The following FBRSL1 variants were observed in gnomAD, a reference collection of about 807,000 sequenced individuals.
FBRSL1 encodes the protein fibrosin like 1.
In FBRSL1, 51 loss-of-function variants were observed where a neutral mutation model predicts 89.6. That is an observed-to-expected ratio of 0.57 (90% CI 0.45 to 0.72). The LOEUF (loss-of-function observed/expected upper bound fraction) is 0.72. Among genes scored for constraint, FBRSL1 ranks in the 30% least tolerant of loss-of-function variants. The pLI, the probability that FBRSL1 is intolerant of heterozygous loss-of-function variation, is 0.00. For synonymous variants in FBRSL1, 779 were observed against 681.1 expected (o/e 1.14, Z -2.24); for missense variants, 1,618 against 1,451.8 (o/e 1.11, Z -1.86).
Position 132,583,395 on chromosome 12 carries a change from G to A in FBRSL1, c.2626G>A (p.Ala876Thr). ...TGCCGCCCCCGCCCCGGGCTCCGCC[G>A]CCCTCTTGGAGCCCCCGGAGCGCCC... ...PAAAPAPGSA[A>T]LLEPPERPYR... Residue 876 changes from alanine (A) to threonine (T), a missense_variant, in exon 19 of 19, where the codon GCC becomes ACC. Physicochemically the swap from Ala to Thr is moderately conservative, Grantham distance 58 (BLOSUM62 0). Transcript: ENST00000680143. 2.8e-6 allele frequency: 3 copies of A among 1,080,676 alleles called. No individual in the cohort carries two copies. Among genetic ancestry groups the A allele is most frequent in the Non-Finnish European group, 2.2e-6 (2 of 891,472 alleles). 66.9% of individuals were successfully genotyped at this position (1,080,676 alleles called of 1,614,324 possible).
chr12:132,501,612 C>T (rs1040904138), intron 1 of FBRSL1, among the ~76,000 whole-genome samples: 2 of 152,090 alleles, frequency 1.3e-5, no homozygotes, highest in African/African-American at 2.4e-5. Flanking sequence ...GCCTTCCGCT[C>T]GGGGCCCAAG....
intron 3 of FBRSL1, among the ~76,000 whole-genome samples, chr12:132,527,447 CT>C (rs1308362885): frequency 6.6e-6 from 1 of 152,218 alleles, no homozygotes; most frequent in African/African-American, 2.4e-5. Flanking sequence ...ACGACAGCCC[CT>C]GGGGAGGACC....
At chr12:132,512,072 C>G (rs1482355599) in intron 2 of FBRSL1, 4 of 922,160 alleles carry the variant, frequency 4.3e-6, no homozygotes, top group Middle Eastern at 5.5e-4. Context: ...AGAGGGGAGA[C>G]CTGGAGCATC....
intron 2 of FBRSL1, among the ~76,000 whole-genome samples, chr12:132,518,160 C>T (rs140683883): frequency 1.2e-4 from 18 of 152,286 alleles, no homozygotes; most frequent in African/African-American, 2.4e-4. Flanking sequence ...CTGCTGGCAA[C>T]GCACTTCCTA....
At chr12:132,533,121 G>T (rs1465690781) in intron 4 of FBRSL1, among the ~76,000 whole-genome samples, 68 of 116,514 alleles carry the variant, frequency 5.8e-4, no homozygotes, top group East Asian at 8.4e-4. Flanking sequence ...TCAGAGAGCT[G>T]CAGTCTCCTC....
At chr12:132,575,637 C>T (rs1319423775) in intron 14 of FBRSL1, among the ~76,000 whole-genome samples, 2 of 152,214 alleles carry the variant, frequency 1.3e-5, no homozygotes, top group Admixed American at 6.5e-5. Flanking sequence ...CGGGAGACCT[C>T]ATCACTCCTG....
intron 4 of FBRSL1, among the ~76,000 whole-genome samples, chr12:132,543,305 C>T (rs1007940079): frequency 2.6e-5 from 4 of 152,244 alleles, no homozygotes; most frequent in Non-Finnish European, 4.4e-5. Flanking sequence ...ACCTTTGCCA[C>T]GGTGTCCAGT....
intron 4 of FBRSL1, among the ~76,000 whole-genome samples, chr12:132,541,795 G>A (rs2037292669): frequency 6.6e-6 from 1 of 152,236 alleles, no homozygotes; most frequent in Non-Finnish European, 1.5e-5. Context: ...CCAAATGAAG[G>A]TGGGCCCCTT....
chr12:132,570,539 C>G lies in FBRSL1; in HGVS notation c.1212C>G (p.Ala404=). Residue 404 remains alanine (A), a splice_region_variant and synonymous_variant, in exon 8 of 19, where the codon GCC becomes GCG. Coordinates refer to ENST00000680143, the MANE Select transcript of FBRSL1 (RefSeq NM_001367871.1). Reference sequence around the variant, plus strand: ...GCCTGGTCCTCCCAGGACACCCGGCCGGTAGGTGTCTCGGCCACAATCTCG... The same window carrying G: ...GCCTGGTCCTCCCAGGACACCCGGCGGGTAGGTGTCTCGGCCACAATCTCG... ...ASSLVLPGHP[A]DASLAVSFSQ... The G allele has an allele frequency of 6.6e-7, 1 of 1,503,796 alleles. No homozygotes were observed. The highest frequency in any genetic ancestry group is 1.4e-5 in the African/African-American group (1 of 71,282). The allele number at this position is 1,503,796 out of a possible 1,614,324, so 93.2% of individuals were successfully genotyped here. A position where few individuals can be genotyped will look rare whatever the true frequency, so the allele number is the denominator to read the frequency against.
rs191110975 is a variant in FBRSL1, at chr12:132,511,493, C to T, written c.489+3143C>T. 363 of 985,990 alleles carry T rather than the reference C, an allele frequency of 3.7e-4. No individual in the cohort carries two copies. In the Middle Eastern group the frequency reaches 4.7e-3, roughly 13 times the overall value. The allele number at this position is 985,990 out of a possible 1,614,324, so 61.1% of individuals were successfully genotyped here. On this transcript the variant is annotated intron_variant, in intron 2 of 18. Coordinates refer to ENST00000680143, the MANE Select transcript of FBRSL1 (RefSeq NM_001367871.1). ...CTCGAGTCTTCTGGAGTCCAAGGCACGCCACTCGCCCAAAAGGGAGGGGGT... is the reference window on the plus strand; with the variant it reads ...CTCGAGTCTTCTGGAGTCCAAGGCATGCCACTCGCCCAAAAGGGAGGGGGT...
Position 132,510,971 on chromosome 12 carries a change from GT to G in FBRSL1, c.489+2622del, listed in dbSNP as rs1304360556. On this transcript the variant is annotated intron_variant, in intron 2 of 18. Transcript: ENST00000680143. The stretch of plus-strand genomic sequence containing the variant: ...GCTGTGTGTGCATGTGTGCGAGAGG[GT>G]GTGAGAGTGAGTGGCGTGCTGGGCA... The G allele has an allele frequency of 3.0e-6, 3 of 989,166 alleles. No homozygotes were observed. The African/African-American group carries it at 5.2e-5, about 17-fold the overall frequency. 61.3% of individuals were successfully genotyped at this position (989,166 alleles called of 1,614,324 possible). A position where few individuals can be genotyped will look rare whatever the true frequency, so the allele number is the denominator to read the frequency against.
chr12:132,509,721 C>T (rs2034109725), intron 2 of FBRSL1: 1 of 1,231,388 alleles, frequency 8.1e-7, no homozygotes, highest in African/African-American at 1.5e-5. Context: ...CCGCTGCCGA[C>T]CCCTGCGGCC....
intron 2 of FBRSL1, among the ~76,000 whole-genome samples, chr12:132,523,522 T>C (rs938596774): frequency 2.6e-5 from 4 of 151,948 alleles, no homozygotes; most frequent in African/African-American, 9.7e-5. Flanking sequence ...GTGTGAAGTG[T>C]AGAGAGGTGC....
At chr12:132,543,816 G>C (rs531818176) in intron 4 of FBRSL1, among the ~76,000 whole-genome samples, 1 of 152,230 alleles carries the variant, frequency 6.6e-6, no homozygotes, top group African/African-American at 2.4e-5. Flanking sequence ...GGACGAAACC[G>C]GTGCCTGTGC....
chr12:132,568,690 G>A (rs1400475523), intron 6 of FBRSL1, among the ~76,000 whole-genome samples: 1 of 152,248 alleles, frequency 6.6e-6, no homozygotes, highest in Non-Finnish European at 1.5e-5. Flanking sequence ...GGCTGGCTTG[G>A]AGATGTGGGA....
intron 6 of FBRSL1, among the ~76,000 whole-genome samples, chr12:132,569,660 C>G (rs932556613): frequency 1.9e-4 from 29 of 152,194 alleles, no homozygotes; most frequent in Non-Finnish European, 2.1e-4. Context: ...GCCAGTGATG[C>G]GTCTTCGGGC....
rs925113182 is a variant in FBRSL1, at chr12:132,515,728, G to A, written c.489+7378G>A. Among the ~76,000 whole-genome samples the A allele has an allele frequency of 3.0e-4, 45 of 151,632 alleles. 1 individual carries two copies. Among genetic ancestry groups the A allele is most frequent in the African/African-American group, 1.0e-3 (43 of 41,354 alleles). Reference sequence around the variant, plus strand: ...CAGCCTGGCCAACATGGTGAAACCCGTCTCTACTAAAAATACAAAAAATTA... The same window carrying A: ...CAGCCTGGCCAACATGGTGAAACCCATCTCTACTAAAAATACAAAAAATTA... On this transcript the variant is annotated intron_variant, in intron 2 of 18. Transcript: ENST00000680143.
At chr12:132,530,423 CA>C (rs1261657371) in intron 4 of FBRSL1, among the ~76,000 whole-genome samples, 1 of 151,956 alleles carries the variant, frequency 6.6e-6, no homozygotes, top group Non-Finnish European at 1.5e-5. Flanking sequence ...CACTGTGGGT[CA>C]GGGGGAGGGC....
chr12:132,544,033 G>T (rs1183831163), intron 4 of FBRSL1, among the ~76,000 whole-genome samples: 1 of 152,206 alleles, frequency 6.6e-6, no homozygotes, highest in Non-Finnish European at 1.5e-5. Context: ...GAGGGCCGGG[G>T]CCCTGGGCAG....
Sources: allele counts gnomAD v4.1 joint callset (sites outside exome capture counted in the v4.1 genomes callset), GRCh38; gene constraint gnomAD v4.1.1; transcripts MANE v1.5; gene names NCBI Gene and HGNC (gene_info 2026-07-23, HGNC 2026-07-21).